PACS1: variants seen among roughly 807,000 people sequenced by gnomAD.
The protein encoded by PACS1 is phosphofurin acidic cluster sorting protein 1.
In PACS1, 24 loss-of-function variants were observed where a neutral mutation model predicts 115.0. The observed-to-expected ratio is 0.21, with a 90% CI of 0.15 to 0.29. The LOEUF (loss-of-function observed/expected upper bound fraction) is 0.29. Ranked by LOEUF, PACS1 falls within the 10% of genes least tolerant of loss-of-function variation. PACS1 has a pLI of 1.00. For missense variants in PACS1, 838 were observed against 1,251.2 expected, an observed-to-expected ratio of 0.67 and a Z score of 4.98; for synonymous variants, 453 against 504.5, an observed-to-expected ratio of 0.90 and a Z score of 1.37.
At chr11:66,087,171 A>G (rs1240043725) in intron 1 of PACS1, among the ~76,000 whole-genome samples, 4 of 152,074 alleles carry the variant, frequency 2.6e-5, no homozygotes, top group Non-Finnish European at 5.9e-5. Context: ...AATTTCCAGC[A>G]GCACGCATTA....
intron 1 of PACS1, among the ~76,000 whole-genome samples, chr11:66,078,001 C>G (rs889449039): frequency 1.3e-5 from 2 of 152,114 alleles, no homozygotes; most frequent in Non-Finnish European, 2.9e-5. Context: ...CATGCCTGGC[C>G]AACTGTAAGG....
chr11:66,193,349 A>C (rs139815652), intron 1 of PACS1, 137 bp from the exon 2 acceptor site: 2 of 597,374 alleles, frequency 3.3e-6, no homozygotes, highest in East Asian at 5.9e-5. Context: ...TCTTCTACTG[A>C]GAGAGGGGAC....
At position 66,139,043 on chromosome 11, in the gene PACS1, A is replaced by G. The variant is rs545419667; in HGVS notation, c.357-54443A>G. Among the ~76,000 whole-genome samples, 482 of 152,282 alleles carry G rather than the reference A, an allele frequency of 3.2e-3. 3 individuals carry two copies. The highest frequency in any genetic ancestry group is 0.011 in the African/African-American group (460 of 41,564). Reference sequence around the variant, plus strand: ...TTAGGCACACCAAAGTTTGAGAACCACTGAAAAAGAGAAGTTCTGACTTTT... The same window carrying G: ...TTAGGCACACCAAAGTTTGAGAACCGCTGAAAAAGAGAAGTTCTGACTTTT... On this transcript the variant is annotated intron_variant, in intron 1 of 23. Transcript: ENST00000320580.
At chr11:66,071,493 C>T (rs563314340) in intron 1 of PACS1, among the ~76,000 whole-genome samples, 6 of 152,320 alleles carry the variant, frequency 3.9e-5, no homozygotes, top group African/African-American at 4.8e-5. Context: ...TGCCTTGTTC[C>T]TAAATTCAAT....
intron 1 of PACS1, among the ~76,000 whole-genome samples, chr11:66,076,196 C>T (rs1439303165): frequency 1.3e-5 from 2 of 152,170 alleles, no homozygotes; most frequent in Non-Finnish European, 2.9e-5. Flanking sequence ...TCACAGAGTC[C>T]ATTTTACATG....
chr11:66,117,612 C>T (rs879416284), intron 1 of PACS1, among the ~76,000 whole-genome samples: 12 of 152,052 alleles, frequency 7.9e-5, no homozygotes, highest in African/African-American at 1.7e-4. Flanking sequence ...TTTGGGAGGC[C>T]GAGGCAGGCG....
At chr11:66,176,646 G>A (rs1859870306) in intron 1 of PACS1, among the ~76,000 whole-genome samples, 1 of 152,026 alleles carries the variant, frequency 6.6e-6, no homozygotes, top group Non-Finnish European at 1.5e-5. Context: ...ACTCCTGATA[G>A]CAAGTGATCC....
chr11:66,114,926 C>T (rs2134551096), intron 1 of PACS1, among the ~76,000 whole-genome samples: 1 of 152,078 alleles, frequency 6.6e-6, no homozygotes, highest in Middle Eastern at 3.4e-3. Context: ...AACCATAAGC[C>T]AGGTGTGGTG....
chr11:66,087,726 A>G (rs1345077958), intron 1 of PACS1, among the ~76,000 whole-genome samples: 2 of 152,206 alleles, frequency 1.3e-5, no homozygotes, highest in Non-Finnish European at 2.9e-5. Context: ...GCTATGCTGA[A>G]TAGTGCTACT....
At chr11:66,210,203 T>C (rs1460466362) in intron 2 of PACS1, among the ~76,000 whole-genome samples, 159 bp from the exon 3 acceptor site, 4 of 151,890 alleles carry the variant, frequency 2.6e-5, no homozygotes, top group Non-Finnish European at 5.9e-5. Context: ...CAGCCAATTT[T>C]TTTTATTTTT....
chr11:66,092,340 A>G (rs1857681618), intron 1 of PACS1, among the ~76,000 whole-genome samples: 4 of 152,030 alleles, frequency 2.6e-5, no homozygotes, highest in African/African-American at 2.4e-5. Flanking sequence ...GTGTCTGTTC[A>G]TGTCCTTCGC....
At chr11:66,123,020 A>T (rs912570984) in intron 1 of PACS1, among the ~76,000 whole-genome samples, 1 of 152,148 alleles carries the variant, frequency 6.6e-6, no homozygotes, top group Non-Finnish European at 1.5e-5. Flanking sequence ...ATCTTTAATG[A>T]AAGGAAGAGT....
chr11:66,231,916 A>T, intron 13 of PACS1: 1 of 392,180 alleles, frequency 2.5e-6, no homozygotes, highest in Non-Finnish European at 4.7e-6. Flanking sequence ...CATCCTCTCC[A>T]CCTGCCCTGG....
intron 1 of PACS1, chr11:66,100,703 G>A (rs1487939713): frequency 6.9e-6 from 3 of 437,030 alleles, no homozygotes; most frequent in Non-Finnish European, 1.4e-5. Flanking sequence ...ACTCAAGTGA[G>A]GTGGGCTGGT....
At chr11:66,238,897 T>G in intron 20 of PACS1, 51 bp downstream of exon 20, 1 of 1,512,060 alleles carries the variant, frequency 6.6e-7, no homozygotes, top group Non-Finnish European at 9.0e-7. Flanking sequence ...GCCCTCCCTG[T>G]CTTCCCTCTA....
chr11:66,114,757 T>A (rs1858266352), intron 1 of PACS1, among the ~76,000 whole-genome samples: 1 of 152,210 alleles, frequency 6.6e-6, no homozygotes, highest in African/African-American at 2.4e-5. Flanking sequence ...AAGTTGAATG[T>A]AAGTTCTCTG....
At chr11:66,159,437 CAA>C (rs386374027) in intron 1 of PACS1, among the ~76,000 whole-genome samples, 1 of 135,796 alleles carries the variant, frequency 7.4e-6, no homozygotes, top group African/African-American at 2.7e-5. Flanking sequence ...AACTCAGTCT[CAA>C]AAAAAAAAAA....
chr11:66,103,511 GA>G (rs1857966704), intron 1 of PACS1, among the ~76,000 whole-genome samples: 1 of 115,812 alleles, frequency 8.6e-6, no homozygotes, highest in African/African-American at 3.1e-5. Flanking sequence ...TTTTTGTTTG[GA>G]ATTTTTTTTT....
intron 19 of PACS1, among the ~76,000 whole-genome samples, chr11:66,237,784 A>AACG: frequency 6.6e-6 from 1 of 152,326 alleles, no homozygotes; most frequent in South Asian, 2.1e-4. Context: ...AATGCCAGGC[A>AACG]AACAAGGAGA....
Sources: gnomAD v4.1 joint callset for allele counts (sites outside exome capture counted in the v4.1 genomes callset) on GRCh38, gnomAD v4.1.1 for gene constraint, MANE v1.5 for transcripts, NCBI Gene and HGNC (gene_info 2026-07-23, HGNC 2026-07-21) for gene names.